Variants in MAF observed in about 807,000 individuals in gnomAD.
MAF encodes MAF bZIP transcription factor.
In MAF, 10 loss-of-function variants were observed where a neutral mutation model predicts 22.0. That is an observed-to-expected ratio of 0.45 (90% CI 0.28 to 0.77). The LOEUF is 0.77. MAF is among the 30% of genes least tolerant of loss of function. MAF has a pLI of 0.12. For missense variants in MAF, 544 were observed against 548.4 expected, an observed-to-expected ratio of 0.99 and a Z score of 0.08; for synonymous variants, 337 against 255.8, an observed-to-expected ratio of 1.32 and a Z score of -3.03.
At chr16:79,430,551 G>T in the MAF span, among the ~76,000 whole-genome samples, 1 of 152,134 alleles carries the variant, frequency 6.6e-6, no homozygotes, top group African/African-American at 2.4e-5. Context: ...CTTCCAGCTG[G>T]CCCCTCTGCC....
the MAF span, among the ~76,000 whole-genome samples, chr16:79,507,060 G>C: frequency 6.6e-6 from 1 of 150,626 alleles, no homozygotes; most frequent in Non-Finnish European, 1.5e-5. Flanking sequence ...TGCTGTTTGT[G>C]TGTACCACTA....
chr16:79,215,538 C>A, the MAF span, among the ~76,000 whole-genome samples: 1 of 152,130 alleles, frequency 6.6e-6, no homozygotes, highest in Non-Finnish European at 1.5e-5. Context: ...GACATGCTGG[C>A]CTCCTGCTTC....
the MAF span, among the ~76,000 whole-genome samples, chr16:79,491,608 G>A: frequency 2.6e-5 from 4 of 152,096 alleles, no homozygotes; most frequent in Non-Finnish European, 2.9e-5. Context: ...GCCTGGATTT[G>A]CATGCACTGC....
the MAF span, among the ~76,000 whole-genome samples, chr16:79,392,875 G>A: frequency 5.3e-4 from 80 of 152,250 alleles, no homozygotes; most frequent in South Asian, 3.7e-3. Context: ...ACTGCTGTAC[G>A]GCCCAAGTTT....
At chr16:79,270,924 G>A in the MAF span, among the ~76,000 whole-genome samples, 2 of 147,334 alleles carry the variant, frequency 1.4e-5, no homozygotes, top group African/African-American at 5.0e-5. Flanking sequence ...TAATGAGACA[G>A]AGTTTCACTC....
chr16:79,319,042 T>C, the MAF span, among the ~76,000 whole-genome samples: 75 of 151,186 alleles, frequency 5.0e-4, no homozygotes, highest in Non-Finnish European at 8.1e-4. Context: ...AAAATTCACT[T>C]CTGTGATGAA....
At chr16:79,279,750 C>T in the MAF span, among the ~76,000 whole-genome samples, 9 of 152,266 alleles carry the variant, frequency 5.9e-5, no homozygotes, top group East Asian at 1.4e-3. Context: ...GGGATTCATT[C>T]GAGCAGAGCT....
chr16:79,441,741 T>C, the MAF span, among the ~76,000 whole-genome samples: 1 of 152,322 alleles, frequency 6.6e-6, no homozygotes, highest in African/African-American at 2.4e-5. Flanking sequence ...GAAAGATGTT[T>C]TGGGGGGTTC....
At chr16:79,479,475 G>A in the MAF span, among the ~76,000 whole-genome samples, 6 of 152,184 alleles carry the variant, frequency 3.9e-5, no homozygotes, top group Admixed American at 6.5e-5. Flanking sequence ...CATTTCTGTG[G>A]TTCTGTACTT....
chr16:79,212,110 C>T, the MAF span: 23 of 1,535,794 alleles, frequency 1.5e-5, no homozygotes, highest in South Asian at 2.5e-4. Context: ...AATTCTCTTT[C>T]TTTTACTGTT....
chr16:79,390,047 G>C, the MAF span, among the ~76,000 whole-genome samples: 4 of 139,352 alleles, frequency 2.9e-5, no homozygotes, highest in Non-Finnish European at 6.3e-5. Flanking sequence ...TCTTTTTCCA[G>C]AAAAATCTTC....
the MAF span, among the ~76,000 whole-genome samples, chr16:79,223,641 G>T: frequency 6.6e-6 from 1 of 152,034 alleles, no homozygotes; most frequent in South Asian, 2.1e-4. Context: ...AAAGAGGGAA[G>T]AATTAAATAG....
the MAF span, among the ~76,000 whole-genome samples, chr16:79,271,260 A>C: frequency 6.6e-6 from 1 of 152,082 alleles, no homozygotes. Context: ...GCCCTAGCTC[A>C]CTGTTTCCCC....
At chr16:79,368,438 G>A in the MAF span, among the ~76,000 whole-genome samples, 2 of 152,118 alleles carry the variant, frequency 1.3e-5, no homozygotes, top group African/African-American at 4.8e-5. Context: ...ATTTTACAGA[G>A]TGATCCATCT....
At chr16:79,564,972 C>T in the MAF span, among the ~76,000 whole-genome samples, 8 of 152,284 alleles carry the variant, frequency 5.3e-5, no homozygotes, top group African/African-American at 1.9e-4. Context: ...TCGAACCTTA[C>T]ACATGTCTTA....
chr16:79,383,265 C>T, the MAF span, among the ~76,000 whole-genome samples: 2 of 152,090 alleles, frequency 1.3e-5, no homozygotes, highest in Admixed American at 1.3e-4. Flanking sequence ...AACAATCTAA[C>T]CATTTTAGAC....
At chr16:79,427,458 T>G in the MAF span, among the ~76,000 whole-genome samples, 1 of 152,358 alleles carries the variant, frequency 6.6e-6, no homozygotes, top group Admixed American at 6.5e-5. Flanking sequence ...ATTCATTTAC[T>G]CATTCATTTG....
chr16:79,392,982 T>A, the MAF span, among the ~76,000 whole-genome samples: 1 of 152,160 alleles, frequency 6.6e-6, no homozygotes, highest in Non-Finnish European at 1.5e-5. Context: ...CCTGCCGCCC[T>A]CTCTTAAAAG....
the MAF span, among the ~76,000 whole-genome samples, chr16:79,381,272 G>C: frequency 6.6e-6 from 1 of 152,202 alleles, no homozygotes; most frequent in Admixed American, 6.5e-5. Flanking sequence ...ACTAATTGTG[G>C]TTTTAACAAG....
Sources: gnomAD v4.1 joint callset for allele counts (sites outside exome capture counted in the v4.1 genomes callset) on GRCh38, gnomAD v4.1.1 for gene constraint, MANE v1.5 for transcripts, NCBI Gene and HGNC (gene_info 2026-07-23, HGNC 2026-07-21) for gene names.